Variants in HMCN1 observed in about 807,000 individuals in gnomAD.
HMCN1 encodes hemicentin-1.
A neutral mutation model predicts 625.9 loss-of-function variants in HMCN1; 321 were observed. That is an observed-to-expected ratio of 0.51 (90% CI 0.47 to 0.56). HMCN1 has a LOEUF of 0.56. HMCN1 is among the 20% of genes least tolerant of loss of function. The probability of loss-of-function intolerance (pLI) is 0.00; values close to 1 mark genes in which losing one functional copy is unlikely to be tolerated. For missense variants in HMCN1, 6,588 were observed against 6,887.3 expected, an observed-to-expected ratio of 0.96 and a Z score of 1.54; for synonymous variants, 2,425 against 2,417.6, an observed-to-expected ratio of 1.00 and a Z score of -0.09.
rs182727627 is a variant in HMCN1 at position 185,834,669 on chromosome 1, C to T, written c.269-11357C>T. 7.3e-4 allele frequency among the ~76,000 whole-genome samples: 111 copies of T among 152,226 alleles called. 1 individual carries two copies. The highest frequency in any genetic ancestry group is 2.5e-3 in the African/African-American group (104 of 41,538). On this transcript the variant is annotated intron_variant, in intron 1 of 106. Transcript: ENST00000271588. The stretch of plus-strand genomic sequence containing the variant: ...TTCTTTTTTTAGAAGCAGGGCATTA[C>T]GTCCAGCCTATAGCCAAGAGGAGGG...
At chr1:185,760,639 G>C (rs565097176) in intron 1 of HMCN1, among the ~76,000 whole-genome samples, 8 of 152,072 alleles carry the variant, frequency 5.3e-5, no homozygotes, top group Non-Finnish European at 1.2e-4. Flanking sequence ...AGGGCATACA[G>C]TGTGTGGAAG....
chr1:185,803,404 A>T (rs1166896507), intron 1 of HMCN1, among the ~76,000 whole-genome samples: 1 of 152,072 alleles, frequency 6.6e-6, no homozygotes, highest in African/African-American at 2.4e-5. Flanking sequence ...AGAAGCAAAG[A>T]TGAATATTTA....
At chr1:185,851,540 GA>G (rs1427625566) in intron 2 of HMCN1, among the ~76,000 whole-genome samples, 3 of 152,046 alleles carry the variant, frequency 2.0e-5, no homozygotes, top group Non-Finnish European at 4.4e-5. Context: ...GAAGTAACTT[GA>G]AAACAACTGT....
At position 186,125,804 on chromosome 1, in the gene HMCN1, A is replaced by G. The variant is rs748467678; in HGVS notation, c.12690+10A>G. Reference sequence around the variant, plus strand: ...TTTAGAAAATGTTGTGGTAAGTTTAATGGACGTGAACAGATACATTAAGCC... The same window carrying G: ...TTTAGAAAATGTTGTGGTAAGTTTAGTGGACGTGAACAGATACATTAAGCC... On this transcript the variant is annotated intron_variant, in intron 82 of 106. Coordinates refer to ENST00000271588, the MANE Select transcript of HMCN1 (RefSeq NM_031935.3). 1 of 1,606,610 alleles carries G rather than the reference A, an allele frequency of 6.2e-7. No homozygotes were observed. Among genetic ancestry groups the G allele is most frequent in the South Asian group, 1.1e-5 (1 of 90,828 alleles).
rs1344539171 is a variant in HMCN1, at chr1:185,783,956, A to G, written c.268+48909A>G. ...CCCTGCCCCCAGAGGTAGAGTCTACAGAGGCAGGCAGCCTCCTTTAGCTGC... is the reference window on the plus strand; with the variant it reads ...CCCTGCCCCCAGAGGTAGAGTCTACGGAGGCAGGCAGCCTCCTTTAGCTGC... On this transcript the variant is annotated intron_variant, in intron 1 of 106. Coordinates refer to ENST00000271588, the MANE Select transcript of HMCN1 (RefSeq NM_031935.3). Among the ~76,000 whole-genome samples, 6 of 152,222 alleles carry G rather than the reference A, an allele frequency of 3.9e-5. No homozygotes were observed. The South Asian group carries it at 1.2e-3, about 32-fold the overall frequency.
intron 1 of HMCN1, among the ~76,000 whole-genome samples, chr1:185,785,931 A>G (rs1009095172): frequency 6.6e-6 from 1 of 152,230 alleles, no homozygotes; most frequent in Non-Finnish European, 1.5e-5. Context: ...TCGAAATGAC[A>G]TTAACTACTG....
intron 87 of HMCN1, 49 bp from the exon 88 acceptor site, chr1:186,137,449 A>G: frequency 1.3e-6 from 2 of 1,587,484 alleles, no homozygotes; most frequent in East Asian, 2.3e-5. Flanking sequence ...TCTCCTTTAC[A>G]ATGTTTTATT....
intron 1 of HMCN1, among the ~76,000 whole-genome samples, chr1:185,770,611 A>G (rs1427609884): frequency 6.6e-6 from 1 of 152,148 alleles, no homozygotes; most frequent in Non-Finnish European, 1.5e-5. Context: ...GCACTTGTAA[A>G]TAGGGTGAGG....
chr1:185,884,065 C>T (rs1242738787), intron 4 of HMCN1, among the ~76,000 whole-genome samples: 1 of 151,272 alleles, frequency 6.6e-6, no homozygotes, highest in African/African-American at 2.4e-5. Context: ...TTAGAAAGTT[C>T]TTATAGAATG....
intron 4 of HMCN1, among the ~76,000 whole-genome samples, chr1:185,906,535 T>A (rs899139172): frequency 2.0e-5 from 3 of 151,870 alleles, no homozygotes; most frequent in African/African-American, 7.2e-5. Context: ...GAGACTTCCA[T>A]GTGTAACTAA....
chr1:186,116,359 G>A (rs893940395), intron 75 of HMCN1, among the ~76,000 whole-genome samples: 7 of 151,786 alleles, frequency 4.6e-5, no homozygotes, highest in African/African-American at 1.7e-4. Context: ...CCTAAAATGT[G>A]AAGTGTTCTA....
At position 186,153,637 on chromosome 1, in the gene HMCN1, G is replaced by A. The variant is rs1267457220; in HGVS notation, c.15019-113G>A. On this transcript the variant is annotated intron_variant, in intron 96 of 106. Transcript: ENST00000271588. ...ATGTTTACCATCATGCATGATGTGTGTTTTTTAGCTCCTAATCCTTTTTCC... is the reference window on the plus strand; with the variant it reads ...ATGTTTACCATCATGCATGATGTGTATTTTTTAGCTCCTAATCCTTTTTCC... 3.5e-6 allele frequency: 3 copies of A among 860,868 alleles called. No individual in the cohort carries two copies. In the East Asian group the frequency reaches 7.3e-5, roughly 21 times the overall value. 53.3% of individuals were successfully genotyped at this position (860,868 alleles called of 1,614,324 possible).
intron 30 of HMCN1, among the ~76,000 whole-genome samples, chr1:186,012,787 T>C (rs918560972): frequency 6.6e-6 from 1 of 152,130 alleles, no homozygotes; most frequent in African/African-American, 2.4e-5. Context: ...ACATTTAATT[T>C]TATGTTTTCT....
intron 9 of HMCN1, among the ~76,000 whole-genome samples, chr1:185,925,404 T>C (rs1667227094): frequency 6.6e-6 from 1 of 152,214 alleles, no homozygotes; most frequent in Non-Finnish European, 1.5e-5. Context: ...AATAATATAA[T>C]AAATGCTTGA....
intron 1 of HMCN1, among the ~76,000 whole-genome samples, chr1:185,740,383 G>T (rs867592088): frequency 6.6e-6 from 1 of 152,162 alleles, no homozygotes; most frequent in Admixed American, 6.5e-5. Flanking sequence ...TGGATTTTCT[G>T]TATATTTTGA....
chr1:186,053,663 A>G (rs535652969), intron 43 of HMCN1, among the ~76,000 whole-genome samples, 162 bp from the exon 44 acceptor site: 1 of 152,198 alleles, frequency 6.6e-6, no homozygotes, highest in Admixed American at 6.6e-5. Flanking sequence ...CAGTTCATTT[A>G]AATATTACTG....
At chr1:186,076,706 G>A (rs949912278) in intron 54 of HMCN1, 84 bp downstream of exon 54, 5 of 1,373,118 alleles carry the variant, frequency 3.6e-6, no homozygotes, top group Non-Finnish European at 5.1e-6. Context: ...TGAATTGGTT[G>A]GGTCTCTGGC....
At chr1:186,063,067 C>CATAT (rs775036108) in intron 48 of HMCN1, among the ~76,000 whole-genome samples, 5,571 of 59,582 alleles carry the variant, frequency 0.094, 476 homozygotes, top group Non-Finnish European at 0.11. Context: ...TGTGTGTGTG[C>CATAT]ATATATATAT....
At chr1:185,880,821 A>C (rs1388559199) in intron 4 of HMCN1, among the ~76,000 whole-genome samples, 1 of 152,198 alleles carries the variant, frequency 6.6e-6, no homozygotes, top group Non-Finnish European at 1.5e-5. Context: ...TGTTAGTTAT[A>C]ATAACCCCCA....
Sources: allele counts gnomAD v4.1 joint callset (sites outside exome capture counted in the v4.1 genomes callset), GRCh38; gene constraint gnomAD v4.1.1; transcripts MANE v1.5; gene names NCBI Gene and HGNC (gene_info 2026-07-23, HGNC 2026-07-21).